YY1AP1: variants seen among roughly 807,000 people sequenced by gnomAD.
The protein encoded by YY1AP1 is YY1-associated protein 1.
YY1AP1 carries 43 observed loss-of-function variants against 39.9 expected under a neutral mutation model. The observed-to-expected ratio is 1.08, with a 90% CI of 0.84 to 1.39. YY1AP1 has a LOEUF of 1.39. Among genes scored for constraint, YY1AP1 ranks in the 40% most tolerant of loss-of-function variants. YY1AP1 has a pLI of 0.00. For missense variants in YY1AP1, 813 were observed against 900.7 expected, an observed-to-expected ratio of 0.90 and a Z score of 1.25; for synonymous variants, 292 against 331.3, an observed-to-expected ratio of 0.88 and a Z score of 1.29.
rs1650390368 is a variant in YY1AP1 at position 155,674,779 on chromosome 1, T to C, written c.411+231A>G. On this transcript the variant is annotated intron_variant, in intron 6 of 10. Transcript: ENST00000355499. ...AGGCAGGGGTTGCAGTGAACTGAAA[T>C]TGTTCCACCGCACTCCATCCTGGGT... 1.2e-5 allele frequency: 4 copies of C among 340,136 alleles called. No homozygotes were observed. In the East Asian group the frequency reaches 2.6e-4, roughly 22 times the overall value. The allele number at this position is 340,136 out of a possible 1,614,324, so 21.1% of individuals were successfully genotyped here. A position where few individuals can be genotyped will look rare whatever the true frequency, so the allele number is the denominator to read the frequency against.
At position 155,672,591 on chromosome 1, in the gene YY1AP1, G is replaced by T. The variant is rs1468443941; in HGVS notation, c.552C>A (p.Asp184Glu). The T allele has an allele frequency of 6.2e-7, 1 of 1,613,272 alleles. No homozygotes were observed. Among genetic ancestry groups the T allele is most frequent in the East Asian group, 2.2e-5 (1 of 44,876 alleles). Residue 184 changes from aspartate to glutamate, a missense_variant, in exon 7 of 11, where the codon GAC becomes GAA. Physicochemically the swap from Asp to Glu is conservative, Grantham distance 45 (BLOSUM62 2). This residue lies in a region of YY1AP1 where 31 missense variants were observed against 63.7 expected (regional missense o/e 0.49). Transcript: ENST00000355499. ...TCTTGACAGTTTTATGAGGGCTGCA[G>T]TCAATGCTGACATGTGTGCTGAAGT... is the stretch of plus-strand genomic sequence containing the variant. ...IEDFSTHVSIDCSPHKTVKKT... is the reference protein window; with the variant it reads ...IEDFSTHVSIECSPHKTVKKT...
At chr1:155,686,604 T>C (rs1478916652) in intron 2 of YY1AP1, among the ~76,000 whole-genome samples, 2 of 152,174 alleles carry the variant, frequency 1.3e-5, no homozygotes, top group Non-Finnish European at 2.9e-5. Context: ...ATTTGTTGAA[T>C]GAGTGAAAAA....
At chr1:155,665,784 C>CAAAAAAA (rs58155011) in intron 9 of YY1AP1, among the ~76,000 whole-genome samples, 2 of 35,046 alleles carry the variant, frequency 5.7e-5, no homozygotes, top group African/African-American at 8.0e-5. Context: ...CTCTGTGTCT[C>CAAAAAAA]AAAAAAAAAA....
At position 155,688,145 on chromosome 1, in the gene YY1AP1, C is replaced by G. The variant is rs61817761; in HGVS notation, c.-95G>C. ...GGTGGCCGCCAGGCTCCTCCGCTTC[C>G]CTGGGTCCACCGCGGATCCCTCCCG... On this transcript the variant is annotated 5_prime_UTR_variant, in exon 2 of 11. Transcript: ENST00000355499. The G allele has an allele frequency of 6.2e-7, 1 of 1,613,506 alleles. No individual in the cohort carries two copies. Among genetic ancestry groups the G allele is most frequent in the Non-Finnish European group, 8.5e-7 (1 of 1,179,716 alleles).
chr1:155,681,842 A>ATTTTTTT (rs57371049), intron 2 of YY1AP1, among the ~76,000 whole-genome samples: 1 of 137,630 alleles, frequency 7.3e-6, no homozygotes, highest in African/African-American at 2.6e-5. Flanking sequence ...TACATTGAGG[A>ATTTTTTT]TTTTTTTTTT....
intron 2 of YY1AP1, among the ~76,000 whole-genome samples, chr1:155,684,046 G>A (rs758700070): frequency 2.6e-5 from 4 of 152,176 alleles, no homozygotes; most frequent in Admixed American, 1.3e-4. Context: ...TTAGGAGTTC[G>A]TGACCAGCCT....
At chr1:155,674,179 A>AG (rs1650287461) in intron 6 of YY1AP1, among the ~76,000 whole-genome samples, 1 of 150,876 alleles carries the variant, frequency 6.6e-6, no homozygotes, top group African/African-American at 2.4e-5. Context: ...AAAAAAAAAA[A>AG]AAAAAAGCTC....
intron 9 of YY1AP1, among the ~76,000 whole-genome samples, chr1:155,665,254 C>T (rs1363230562): frequency 6.6e-6 from 1 of 151,068 alleles, no homozygotes; most frequent in Non-Finnish European, 1.5e-5. Flanking sequence ...CCCCCCACCT[C>T]AATTTTTTAA....
chr1:155,688,755 C>T lies in YY1AP1; in HGVS notation c.-248G>A, dbSNP rs933607591. ...CACCAACCGCCGCCAAAGCAGCCGC[C>T]GCCAGCACCCCCACCCTACACTCCT... On this transcript the variant is annotated 5_prime_UTR_variant, in exon 1 of 11. Transcript: ENST00000355499. 3.9e-6 allele frequency: 6 copies of T among 1,521,112 alleles called. No individual in the cohort carries two copies. In the South Asian group the frequency reaches 7.3e-5, roughly 19 times the overall value. 94.2% of individuals were successfully genotyped at this position (1,521,112 alleles called of 1,614,324 possible). A position where few individuals can be genotyped will look rare whatever the true frequency, so the allele number is the denominator to read the frequency against.
Position 155,679,085 on chromosome 1 carries a change from T to C in YY1AP1, c.125+324A>G. 5.7e-6 allele frequency: 7 copies of C among 1,230,082 alleles called. No individual in the cohort carries two copies. In the South Asian group the frequency reaches 9.2e-5, roughly 16 times the overall value. The allele number at this position is 1,230,082 out of a possible 1,614,324, so 76.2% of individuals were successfully genotyped here. The stretch of plus-strand genomic sequence containing the variant: ...CATAAAAAGAACAAAAGGGACAGAC[T>C]GGATATTACAATATAGGGTAGTTTG... On this transcript the variant is annotated intron_variant, in intron 4 of 10. Coordinates refer to ENST00000355499, the MANE Select transcript of YY1AP1 (RefSeq NM_139119.3).
intron 9 of YY1AP1, among the ~76,000 whole-genome samples, chr1:155,661,678 C>T (rs1211772446): frequency 6.6e-6 from 1 of 152,178 alleles, no homozygotes; most frequent in African/African-American, 2.4e-5. Flanking sequence ...CTTTTTGAGA[C>T]GGAGTCTTGC....
In YY1AP1 at chr1:155,660,280, G is replaced by C; in HGVS notation, c.1630C>G (p.Pro544Ala). ...GATGCAGGGTGGATAACAGGGGCAGGTTTGATACAGCGAAAGGCCCTGGCT... is the reference window on the plus strand; with the variant it reads ...GATGCAGGGTGGATAACAGGGGCAGCTTTGATACAGCGAAAGGCCCTGGCT... ...RGARAFRCIK[P>A]APVIHPASVI... The change falls in exon 11 of 11, where the codon CCT becomes GCT. Residue 544 changes from proline (P) to alanine (A), a missense_variant. Physicochemically the swap from Pro to Ala is conservative, Grantham distance 27. Transcript: ENST00000355499. 6.2e-7 allele frequency: 1 copy of C among 1,614,198 alleles called. No homozygotes were observed. Among genetic ancestry groups the C allele is most frequent in the Non-Finnish European group, 8.5e-7 (1 of 1,180,040 alleles).
Position 155,660,730 on chromosome 1 carries a change from G to C in YY1AP1, c.1180C>G (p.Pro394Ala). The change falls in exon 11 of 11, where the codon CCA becomes GCA. Residue 394 changes from proline to alanine, a missense_variant. Transcript: ENST00000355499. Reference protein sequence around the residue: ...LPKGVVLKLKPVADRFPKKAW... With the variant: ...LPKGVVLKLKAVADRFPKKAW... ...TTCTTGGGGAAACGGTCGGCAACTG[G>C]CTTCAGTTTCAGGACTACACCCTTA... The C allele has an allele frequency of 6.2e-7, 1 of 1,614,188 alleles. No individual in the cohort carries two copies. Among genetic ancestry groups the C allele is most frequent in the South Asian group, 1.1e-5 (1 of 91,082 alleles).
intron 9 of YY1AP1, among the ~76,000 whole-genome samples, chr1:155,662,405 C>T (rs531432993): frequency 3.8e-4 from 57 of 151,314 alleles, no homozygotes; most frequent in Admixed American, 1.7e-3. Context: ...GCAAAAGAAT[C>T]GCTTGAACCT....
intron 8 of YY1AP1, among the ~76,000 whole-genome samples, chr1:155,669,996 G>A (rs1261368574): frequency 6.6e-6 from 1 of 152,174 alleles, no homozygotes; most frequent in East Asian, 1.9e-4. Context: ...CTGTACTCCA[G>A]CCTGGGTGAC....
At chr1:155,678,147 TG>T (rs1359352928) in intron 4 of YY1AP1, among the ~76,000 whole-genome samples, 1 of 152,264 alleles carries the variant, frequency 6.6e-6, no homozygotes, top group Non-Finnish European at 1.5e-5. Context: ...TACTTACCAT[TG>T]TGTTACAACT....
rs779047130 is a variant in YY1AP1 at position 155,670,383 on chromosome 1, G to C, written c.665C>G (p.Pro222Arg). 6.2e-7 allele frequency: 1 copy of C among 1,613,656 alleles called. No individual in the cohort carries two copies. Among genetic ancestry groups the C allele is most frequent in the Non-Finnish European group, 8.5e-7 (1 of 1,180,016 alleles). Reference protein sequence around the residue: ...SKVFMYPELLPVCSLKAKNPQ... With the variant: ...SKVFMYPELLRVCSLKAKNPQ... ...ATTCTTTGCCTTCAGGGAACACACT[G>C]GAAGTAACTCTGGATACATGAAAAC... Residue 222 changes from proline to arginine, a missense_variant, in exon 8 of 11, where the codon CCA becomes CGA. Physicochemically the swap from Pro to Arg is moderately radical, Grantham distance 103. Transcript: ENST00000355499.
intron 6 of YY1AP1, among the ~76,000 whole-genome samples, chr1:155,673,638 G>T (rs1053433721): frequency 1.3e-5 from 2 of 152,076 alleles, no homozygotes; most frequent in Admixed American, 6.6e-5. Context: ...CAACGTCCCA[G>T]GCTCAAGTGA....
At chr1:155,687,986 G>T in intron 2 of YY1AP1, 85 bp downstream of exon 2, 1 of 1,425,804 alleles carries the variant, frequency 7.0e-7, no homozygotes, top group Non-Finnish European at 9.5e-7. Flanking sequence ...AGGTCCGGGA[G>T]ATGACAGTGG....
Sources: allele counts gnomAD v4.1 joint callset (sites outside exome capture counted in the v4.1 genomes callset), GRCh38; gene constraint gnomAD v4.1.1; regional missense constraint gnomAD v4.1.1; transcripts MANE v1.5; gene names NCBI Gene and HGNC (gene_info 2026-07-23, HGNC 2026-07-21).